FOXD4L1: variants seen among roughly 807,000 people sequenced by gnomAD.
The protein encoded by FOXD4L1 is forkhead box protein D4-like 1.
A neutral mutation model predicts 24.8 loss-of-function variants in FOXD4L1; 10 were observed. The observed-to-expected ratio is 0.40, with a 90% confidence interval of 0.25 to 0.68. FOXD4L1 has a LOEUF of 0.68. Ranked by LOEUF, FOXD4L1 falls within the 30% of genes least tolerant of loss-of-function variation. The pLI, the probability that FOXD4L1 is intolerant of heterozygous loss-of-function variation, is 0.37. For missense variants in FOXD4L1, 364 were observed against 572.4 expected (o/e 0.64, Z 3.72); for synonymous variants, 159 against 256.4 (o/e 0.62, Z 3.63).
At chr2:113,500,547 C>A in exon 1 of FOXD4L1, 2 of 1,503,322 alleles carry the variant, frequency 1.3e-6, no homozygotes, top group South Asian at 2.4e-5. Flanking sequence ...TAGTATCGCC[C>A]ACGCCCAGTT....
chr2:113,499,703 C>T (rs532907624), exon 1 of FOXD4L1: 2 of 1,608,642 alleles, frequency 1.2e-6, no homozygotes, highest in African/African-American at 1.3e-5. Context: ...GCAAGTTCCC[C>T]GCCTGGCAGA....
chr2:113,499,143 G>A (rs1682388198), exon 1 of FOXD4L1: 24 of 1,559,024 alleles, frequency 1.5e-5, no homozygotes, highest in Non-Finnish European at 4.4e-6. Context: ...ATCCCAAAGG[G>A]TAACCACTAG....
At chr2:113,499,075 G>C in exon 1 of FOXD4L1, 1 of 1,073,978 alleles carries the variant, frequency 9.3e-7, no homozygotes, top group South Asian at 1.6e-5. Flanking sequence ...TTTTATAAAA[G>C]GCAAAGGCAT....
chr2:113,499,850 G>A lies in FOXD4L1; in HGVS notation c.594G>A (p.Arg198=), dbSNP rs779103992. The change falls in exon 1 of 1, where the codon CGG becomes CGA. Residue 198 remains arginine (R), a synonymous_variant. Transcript: ENST00000306507. ...TGTTCGACAATGGCAGCTTTCTCCG[G>A]CGTAGGAAGCGTTTCAAGCGCCACC... 16 of 1,570,310 alleles carry A rather than the reference G, an allele frequency of 1.0e-5. 2 individuals carry two copies. Among genetic ancestry groups the A allele is most frequent in the Non-Finnish European group, 1.4e-5 (16 of 1,153,704 alleles).
chr2:113,499,211 G>C, exon 1 of FOXD4L1: 1 of 1,611,830 alleles, frequency 6.2e-7, no homozygotes. Context: ...CCCCGGGCCA[G>C]GTGATCGGCC....
In FOXD4L1 at chr2:113,500,666, C is replaced by G. The variant is rs759535182; in HGVS notation, c.*183C>G. 8.7e-6 allele frequency: 12 copies of G among 1,384,506 alleles called. 4 individuals carry two copies. Among genetic ancestry groups the G allele is most frequent in the Non-Finnish European group, 1.2e-5 (12 of 1,042,758 alleles). The allele number at this position is 1,384,506 out of a possible 1,614,324, so 85.8% of individuals were successfully genotyped here. ...CATACTGGGCGTGTGCATCTGAATCCTGCTGGAGAGCAAACACGAACTTCT... is the reference window on the plus strand; with the variant it reads ...CATACTGGGCGTGTGCATCTGAATCGTGCTGGAGAGCAAACACGAACTTCT... On this transcript the variant is annotated 3_prime_UTR_variant, in exon 1 of 1. Coordinates refer to ENST00000306507, the Ensembl canonical transcript of FOXD4L1.
At chr2:113,499,573 C>T (rs763717933) in exon 1 of FOXD4L1, 12 of 1,609,760 alleles carry the variant, frequency 7.5e-6, no homozygotes, top group Non-Finnish European at 1.0e-5. Flanking sequence ...CGGCAGCCGG[C>T]AAAGCCCCCC....
Position 113,500,206 on chromosome 2 carries a change from C to T in FOXD4L1, c.950C>T (p.Pro317Leu), listed in dbSNP as rs1362145396. ...GAGGGCAAGGGTCTGGCGTCGCCACCGGGAGGCGGATGCATCTCTTTCAGC... is the reference window on the plus strand; with the variant it reads ...GAGGGCAAGGGTCTGGCGTCGCCACTGGGAGGCGGATGCATCTCTTTCAGC... The change falls in exon 1 of 1, where the codon CCG (proline) becomes CTG (leucine). Residue 317 changes from proline (P) to leucine (L), a missense_variant. By Grantham distance (98) the Pro-to-Leu change is moderately conservative. Transcript: ENST00000306507. The T allele has an allele frequency of 1.3e-6, 2 of 1,557,762 alleles. No homozygotes were observed. The highest frequency in any genetic ancestry group is 1.4e-5 in the African/African-American group (1 of 72,104).
exon 1 of FOXD4L1, chr2:113,499,374 G>C: frequency 6.2e-7 from 1 of 1,610,320 alleles, no homozygotes; most frequent in Non-Finnish European, 8.5e-7. Context: ...AGACGAGGTG[G>C]AAGACGAGGA....
chr2:113,499,399 A>T, exon 1 of FOXD4L1: 1 of 1,609,128 alleles, frequency 6.2e-7, no homozygotes, highest in Non-Finnish European at 8.5e-7. Flanking sequence ...GAGGCGAGCC[A>T]GAAGTTCCTA....
chr2:113,499,429 G>A, exon 1 of FOXD4L1: 1 of 1,601,980 alleles, frequency 6.2e-7, no homozygotes, highest in Non-Finnish European at 8.5e-7. Flanking sequence ...CTCCAGCCGG[G>A]GCTGCAGGTG....
At position 113,499,032 on chromosome 2, in the gene FOXD4L1, G is replaced by A. The variant is rs151262609; in HGVS notation, c.-225G>A. On this transcript the variant is annotated 5_prime_UTR_variant, in exon 1 of 1. Transcript: ENST00000306507. ...AGGTAGGGGAAGAAGGGTTATAAAGGGGGGAGTCCACCACACATGGTCTTG... is the reference window on the plus strand; with the variant it reads ...AGGTAGGGGAAGAAGGGTTATAAAGAGGGGAGTCCACCACACATGGTCTTG... The A allele has an allele frequency of 2.5e-3, 1,755 of 694,560 alleles. 3 individuals carry two copies. Among genetic ancestry groups the A allele is most frequent in the Non-Finnish European group, 3.3e-3 (1,361 of 411,888 alleles). 43.0% of individuals were successfully genotyped at this position (694,560 alleles called of 1,614,324 possible). A position where few individuals can be genotyped will look rare whatever the true frequency, so the allele number is the denominator to read the frequency against.
At chr2:113,500,762 C>A in exon 1 of FOXD4L1, 2 of 780,076 alleles carry the variant, frequency 2.6e-6, no homozygotes, top group Non-Finnish European at 3.8e-6. Flanking sequence ...ACGTAACCTT[C>A]GCAGGGCGTC....
exon 1 of FOXD4L1, chr2:113,499,430 G>A: frequency 1.9e-6 from 3 of 1,601,934 alleles, no homozygotes; most frequent in Non-Finnish European, 2.6e-6. Context: ...TCCAGCCGGG[G>A]CTGCAGGTGG....
At chr2:113,500,070 C>T in exon 1 of FOXD4L1, 1 of 1,585,108 alleles carries the variant, frequency 6.3e-7, no homozygotes, top group South Asian at 1.1e-5. Context: ...CTACCTACTG[C>T]TCTCGGCCCC....
chr2:113,499,285 G>A (rs1339274816), exon 1 of FOXD4L1: 1 of 1,597,218 alleles, frequency 6.3e-7, no homozygotes, highest in Admixed American at 1.7e-5. Context: ...GAGCGCCCTC[G>A]CTCCACACCG....
chr2:113,500,137 C>G lies in FOXD4L1; in HGVS notation c.881C>G (p.Thr294Ser), dbSNP rs754145018. The G allele has an allele frequency of 6.7e-5, 102 of 1,516,740 alleles. 19 individuals are homozygous for G. The Middle Eastern group carries it at 6.9e-4, about 10-fold the overall frequency. The allele number at this position is 1,516,740 out of a possible 1,614,324, so 94.0% of individuals were successfully genotyped here. The change falls in exon 1 of 1, where the codon ACC becomes AGC. Residue 294 changes from threonine to serine, a missense_variant. By Grantham distance (58) the Thr-to-Ser change is moderately conservative. Coordinates refer to ENST00000306507, the Ensembl canonical transcript of FOXD4L1. ...GGCGCGGACCTGGCGACCCCCGGCA[C>G]CCTTCCCGTGCTGCAGCCCTCACTT...
chr2:113,500,118 G>A lies in FOXD4L1; in HGVS notation c.862G>A (p.Asp288Asn). 3.9e-6 allele frequency: 6 copies of A among 1,520,694 alleles called. 1 individual carries two copies. The highest frequency in any genetic ancestry group is 2.3e-5 in the South Asian group (2 of 86,050). 94.2% of individuals were successfully genotyped at this position (1,520,694 alleles called of 1,614,324 possible). The change falls in exon 1 of 1, where the codon GAC becomes AAC. Residue 288 changes from aspartate to asparagine, a missense_variant. By Grantham distance (23) the Asp-to-Asn change is conservative (BLOSUM62 1). Transcript: ENST00000306507. Reference sequence around the variant, plus strand: ...GGCACCGAAGAAAGCAGAAGGCGCGGACCTGGCGACCCCCGGCACCCTTCC... The same window carrying A: ...GGCACCGAAGAAAGCAGAAGGCGCGAACCTGGCGACCCCCGGCACCCTTCC...
At chr2:113,499,210 A>G (rs1682389504) in exon 1 of FOXD4L1, 1 of 1,611,834 alleles carries the variant, frequency 6.2e-7, no homozygotes. Flanking sequence ...GCCCCGGGCC[A>G]GGTGATCGGC....
Sources: gnomAD v4.1 joint callset for allele counts on GRCh38, gnomAD v4.1.1 for gene constraint, MANE v1.5 for transcripts, NCBI Gene and HGNC (gene_info 2026-07-23, HGNC 2026-07-21) for gene names.